The following KCNT2 variants were observed in gnomAD, a reference collection of about 807,000 sequenced individuals.
KCNT2 encodes the protein potassium sodium-activated channel subfamily T member 2, also known as potassium channel subfamily T member 2.
In KCNT2, 67 loss-of-function variants were observed where a neutral mutation model predicts 153.8. The observed-to-expected ratio is 0.44, with a 90% CI of 0.36 to 0.53. The LOEUF (loss-of-function observed/expected upper bound fraction) is 0.53, where lower values mean the gene tolerates loss of function less well. Among genes scored for constraint, KCNT2 ranks in the 20% least tolerant of loss-of-function variants. The pLI, the probability that KCNT2 is intolerant of heterozygous loss-of-function variation, is 0.00. For missense variants in KCNT2, 975 were observed against 1,354.8 expected (o/e 0.72, Z 4.40); for synonymous variants, 500 against 458.8 (o/e 1.09, Z -1.15).
intron 12 of KCNT2, among the ~76,000 whole-genome samples, chr1:196,408,348 G>A (rs1305900539): frequency 1.3e-5 from 2 of 150,926 alleles, no homozygotes; most frequent in Non-Finnish European, 3.0e-5. Context: ...CATATTTACT[G>A]GCCAAAATCT....
chr1:196,516,256 T>C (rs988440858), intron 1 of KCNT2, among the ~76,000 whole-genome samples: 15 of 152,208 alleles, frequency 9.9e-5, no homozygotes, highest in African/African-American at 3.6e-4. Flanking sequence ...CCACCATCTT[T>C]GCTGTTTTAT....
chr1:196,496,004 T>A (rs1411499775), intron 1 of KCNT2, among the ~76,000 whole-genome samples: 1 of 152,234 alleles, frequency 6.6e-6, no homozygotes, highest in Non-Finnish European at 1.5e-5. Flanking sequence ...AATCTTTAAC[T>A]TTTTGGTTTT....
At chr1:196,529,542 C>A (rs1414434760) in intron 1 of KCNT2, among the ~76,000 whole-genome samples, 1 of 152,090 alleles carries the variant, frequency 6.6e-6, no homozygotes, top group Non-Finnish European at 1.5e-5. Context: ...AAACTCCTTT[C>A]ATCCAGTAGC....
chr1:196,514,634 A>G (rs2148807494), intron 1 of KCNT2, among the ~76,000 whole-genome samples: 1 of 152,348 alleles, frequency 6.6e-6, no homozygotes, highest in Non-Finnish European at 1.5e-5. Flanking sequence ...ATAAACTTAC[A>G]TATTTAAATG....
At chr1:196,282,057 T>C (rs1274841927) in intron 24 of KCNT2, among the ~76,000 whole-genome samples, 1 of 152,102 alleles carries the variant, frequency 6.6e-6, no homozygotes, top group Non-Finnish European at 1.5e-5. Context: ...CCAAATTCAT[T>C]CAGCATTTTA....
intron 27 of KCNT2, among the ~76,000 whole-genome samples, chr1:196,233,633 T>A (rs912683030): frequency 5.9e-5 from 9 of 151,472 alleles, no homozygotes; most frequent in African/African-American, 1.7e-4. Flanking sequence ...CTCTTTATAC[T>A]TTAAATAACA....
intron 1 of KCNT2, among the ~76,000 whole-genome samples, chr1:196,572,584 T>C (rs1165747970): frequency 6.6e-6 from 1 of 152,070 alleles, no homozygotes; most frequent in Non-Finnish European, 1.5e-5. Context: ...ATCACCACTT[T>C]GGGTGGGATT....
chr1:196,284,248 A>AAAAAAAAAATATATATATATATATATAT, intron 23 of KCNT2, among the ~76,000 whole-genome samples: 1 of 10,050 alleles, frequency 1.0e-4, no homozygotes, highest in African/African-American at 1.4e-4. Flanking sequence ...AAAAAAAAAA[A>AAAAAAAAAATATATATATATATATATAT]ATATATATAT....
intron 3 of KCNT2, among the ~76,000 whole-genome samples, chr1:196,485,884 C>T (rs1339830365): frequency 6.6e-6 from 1 of 151,718 alleles, no homozygotes; most frequent in Non-Finnish European, 1.5e-5. Context: ...CCAAAGCTGA[C>T]AGCCAAATTA....
At chr1:196,257,852 T>C in intron 26 of KCNT2, 1 of 985,074 alleles carries the variant, frequency 1.0e-6, no homozygotes, top group Non-Finnish European at 1.2e-6. Flanking sequence ...TCTCAGGCAC[T>C]AGAATAAGAT....
intron 24 of KCNT2, among the ~76,000 whole-genome samples, chr1:196,281,302 A>T (rs1390841000): frequency 6.6e-6 from 1 of 152,244 alleles, no homozygotes; most frequent in African/African-American, 2.4e-5. Context: ...AATTTAGGGC[A>T]GTATGACATT....
chr1:196,331,588 A>C (rs1664468895), intron 17 of KCNT2, among the ~76,000 whole-genome samples: 2 of 152,060 alleles, frequency 1.3e-5, no homozygotes, highest in Non-Finnish European at 2.9e-5. Context: ...AGCCACACTC[A>C]TTCATGTATG....
In KCNT2 at chr1:196,375,269, T is replaced by A. The variant is rs114149697; in HGVS notation, c.1295-2021A>T. On this transcript the variant is annotated intron_variant, in intron 13 of 27. Coordinates refer to ENST00000294725, the MANE Select transcript of KCNT2 (RefSeq NM_198503.5). ...CGATAGTCATTTTTGTATTTGCATGTGTCTTTTTTCTACATTTGGTAAAAG... is the reference window on the plus strand; with the variant it reads ...CGATAGTCATTTTTGTATTTGCATGAGTCTTTTTTCTACATTTGGTAAAAG... 4.2e-3 allele frequency among the ~76,000 whole-genome samples: 636 copies of A among 151,858 alleles called. 3 individuals carry two copies. The highest frequency in any genetic ancestry group is 0.014 in the African/African-American group (581 of 41,526).
At position 196,282,346 on chromosome 1, in the gene KCNT2, T is replaced by C. The variant is rs1659190603; in HGVS notation, c.2708A>G (p.Lys903Arg). The C allele has an allele frequency of 6.4e-7, 1 of 1,558,984 alleles. No individual in the cohort carries two copies. Among genetic ancestry groups the C allele is most frequent in the Non-Finnish European group, 8.8e-7 (1 of 1,131,200 alleles). The change falls in exon 24 of 28, where the codon AAG becomes AGG. Residue 903 changes from lysine (K) to arginine (R), a missense_variant. Coordinates refer to ENST00000294725, the MANE Select transcript of KCNT2 (RefSeq NM_198503.5). ...LDTLLYQSFVKDYMISITRLL... is the reference protein window; with the variant it reads ...LDTLLYQSFVRDYMISITRLL... ...TCTCGTGATAGAAATCATATAATCC[T>C]TCACAAATGACTGCAATATAAACAA...
chr1:196,564,053 G>A (rs1333603798), intron 1 of KCNT2, among the ~76,000 whole-genome samples: 2 of 151,782 alleles, frequency 1.3e-5, no homozygotes, highest in African/African-American at 4.8e-5. Context: ...ATATTAGAAA[G>A]AAAGAAGTTA....
rs764525332 is a variant in KCNT2 at position 196,429,741 on chromosome 1, G to A, written c.655C>T (p.His219Tyr). 6.2e-7 allele frequency: 1 copy of A among 1,601,656 alleles called. No homozygotes were observed. Among genetic ancestry groups the A allele is most frequent in the Non-Finnish European group, 8.5e-7 (1 of 1,175,148 alleles). The change falls in exon 9 of 28, where the codon CAT (histidine) becomes TAT (tyrosine). Residue 219 changes from histidine (H) to tyrosine (Y), a missense_variant. Physicochemically the swap from His to Tyr is moderately conservative, Grantham distance 83. Transcript: ENST00000294725. Reference sequence around the variant, plus strand: ...AGCTTCTTTCCTATTCGTTCCAGATGTTGGATCCCACAAATGCTAAAGAAA... The same window carrying A: ...AGCTTCTTTCCTATTCGTTCCAGATATTGGATCCCACAAATGCTAAAGAAA... ...LIFTCICGIQHLERIGKKLNL... is the reference protein window; with the variant it reads ...LIFTCICGIQYLERIGKKLNL...
At chr1:196,592,543 TA>T (rs1367391821) in intron 1 of KCNT2, among the ~76,000 whole-genome samples, 3 of 147,446 alleles carry the variant, frequency 2.0e-5, no homozygotes, top group African/African-American at 7.4e-5. Context: ...TAACTATATA[TA>T]AATATATAAA....
chr1:196,358,056 T>C (rs1042152821), intron 14 of KCNT2, among the ~76,000 whole-genome samples: 2 of 151,684 alleles, frequency 1.3e-5, no homozygotes, highest in Non-Finnish European at 2.9e-5. Flanking sequence ...GAGTCTCTCC[T>C]CTTCTCTTAT....
chr1:196,525,875 T>C (rs1654117025), intron 1 of KCNT2, among the ~76,000 whole-genome samples: 1 of 152,232 alleles, frequency 6.6e-6, no homozygotes, highest in Non-Finnish European at 1.5e-5. Context: ...TAAACAGACA[T>C]ATACATAAAA....
Sources: gnomAD v4.1 joint callset for allele counts (sites outside exome capture counted in the v4.1 genomes callset) on GRCh38, gnomAD v4.1.1 for gene constraint, MANE v1.5 for transcripts, NCBI Gene and HGNC (gene_info 2026-07-23, HGNC 2026-07-21) for gene names.